CHLSN: variants seen among roughly 807,000 people sequenced by gnomAD.
The protein encoded by CHLSN is protein cholesin.
chr7:1,038,194 T>C, the CHLSN span, among the ~76,000 whole-genome samples: 2 of 71,600 alleles, frequency 2.8e-5, no homozygotes, highest in African/African-American at 5.2e-5. Flanking sequence ...CCGCCCCATC[T>C]GGGAGGGAGG....
At chr7:985,199 C>T in the CHLSN span, 1 of 1,565,808 alleles carries the variant, frequency 6.4e-7, no homozygotes, top group South Asian at 1.2e-5. Flanking sequence ...CTGGGCTGGG[C>T]TCCCTCCAAT....
the CHLSN span, among the ~76,000 whole-genome samples, chr7:991,663 G>A: frequency 3.9e-5 from 6 of 152,360 alleles, no homozygotes; most frequent in East Asian, 9.6e-4. Context: ...CACTGTCTAC[G>A]CCTCATTTCC....
At chr7:1,027,399 G>A in the CHLSN span, among the ~76,000 whole-genome samples, 2 of 152,260 alleles carry the variant, frequency 1.3e-5, no homozygotes, top group Admixed American at 1.3e-4. Context: ...CCCCGGCTGT[G>A]CGCGCAGCAG....
the CHLSN span, among the ~76,000 whole-genome samples, chr7:1,130,225 C>G: frequency 6.6e-6 from 1 of 152,244 alleles, no homozygotes; most frequent in Non-Finnish European, 1.5e-5. Flanking sequence ...CCAGGGACGG[C>G]AGAACCCGTG....
At chr7:991,153 C>T in the CHLSN span, among the ~76,000 whole-genome samples, 5 of 152,120 alleles carry the variant, frequency 3.3e-5, no homozygotes, top group Middle Eastern at 3.2e-3. Flanking sequence ...TGTCCCGCCC[C>T]GCTTCATGGA....
chr7:1,058,006 T>C, the CHLSN span: 1 of 770,010 alleles, frequency 1.3e-6, no homozygotes, highest in Admixed American at 1.7e-5. Flanking sequence ...TCCTCGCTGC[T>C]CTTCTACATC....
chr7:1,092,459 C>T, the CHLSN span: 218 of 1,607,934 alleles, frequency 1.4e-4, no homozygotes, highest in Non-Finnish European at 1.6e-4. Context: ...CTGGTCAGGG[C>T]GCACCGGCAC....
chr7:1,021,796 C>A, the CHLSN span, among the ~76,000 whole-genome samples: 15 of 152,234 alleles, frequency 9.9e-5, no homozygotes, highest in African/African-American at 3.4e-4. Context: ...GGCAAAAATA[C>A]CCGCCCAGCG....
At chr7:1,103,278 C>CATG in the CHLSN span, among the ~76,000 whole-genome samples, 1 of 152,230 alleles carries the variant, frequency 6.6e-6, no homozygotes, top group Non-Finnish European at 1.5e-5. Context: ...AAAGCTTCAT[C>CATG]CCCTGGGCTG....
the CHLSN span, among the ~76,000 whole-genome samples, chr7:1,006,295 G>A: frequency 6.6e-6 from 1 of 152,180 alleles, no homozygotes; most frequent in Non-Finnish European, 1.5e-5. Flanking sequence ...TCACAGCACA[G>A]GGAAAGAGCA....
the CHLSN span, among the ~76,000 whole-genome samples, chr7:1,095,830 C>G: frequency 7.2e-5 from 11 of 152,372 alleles, no homozygotes; most frequent in African/African-American, 2.6e-4. Context: ...GTCTAACTGG[C>G]AAAAGCACGC....
the CHLSN span, among the ~76,000 whole-genome samples, chr7:1,012,506 GA>G: frequency 6.6e-6 from 1 of 152,358 alleles, no homozygotes; most frequent in Admixed American, 6.5e-5. Context: ...GGATGCTGCG[GA>G]AACAGCTTCC....
the CHLSN span, among the ~76,000 whole-genome samples, chr7:1,019,717 A>G: frequency 2.0e-4 from 30 of 152,348 alleles, no homozygotes; most frequent in African/African-American, 6.7e-4. Flanking sequence ...CAGGGCTTCC[A>G]GATGGGCAGA....
chr7:1,001,207 G>A, the CHLSN span, among the ~76,000 whole-genome samples: 2 of 152,348 alleles, frequency 1.3e-5, no homozygotes, highest in African/African-American at 2.4e-5. Flanking sequence ...CAGGGCAGCC[G>A]AGCCCAGAAG....
the CHLSN span, chr7:988,394 G>A: frequency 8.2e-5 from 132 of 1,612,526 alleles, no homozygotes; most frequent in Non-Finnish European, 1.0e-4. Flanking sequence ...TGTGAAGCGG[G>A]AGGCCTTCCT....
At chr7:1,045,376 C>T in the CHLSN span, 1 of 152,238 alleles carries the variant, frequency 6.6e-6, no homozygotes, top group African/African-American at 2.4e-5. Context: ...GTACTTGAGT[C>T]CTCCATTCCA....
At chr7:1,081,947 C>T in the CHLSN span, 1 of 152,308 alleles carries the variant, frequency 6.6e-6, no homozygotes, top group African/African-American at 2.4e-5. Context: ...GGTGGCCAGG[C>T]CTGGCTATGA....
chr7:1,016,494 CGCACAGCA>C, the CHLSN span, among the ~76,000 whole-genome samples: 3,623 of 138,134 alleles, frequency 0.026, 157 homozygotes, highest in Non-Finnish European at 0.042. Context: ...CACACAGCAG[CGCACAGCA>C]GCACAGCAGC....
At chr7:1,002,012 G>A in the CHLSN span, among the ~76,000 whole-genome samples, 1 of 95,458 alleles carries the variant, frequency 1.0e-5, no homozygotes, top group Non-Finnish European at 2.1e-5. Flanking sequence ...GGTGAGTGGA[G>A]TCCTGTGGGT....
Sources: gnomAD v4.1 joint callset for allele counts (sites outside exome capture counted in the v4.1 genomes callset) on GRCh38, gnomAD v4.1.1 for gene constraint, MANE v1.5 for transcripts, NCBI Gene and HGNC (gene_info 2026-07-23, HGNC 2026-07-21) for gene names.